ASPRV1: variants seen among roughly 807,000 people sequenced by gnomAD.
ASPRV1 encodes the protein retroviral-like aspartic protease 1.
Under a neutral mutation model 11.0 loss-of-function variants are expected in ASPRV1, and 7 were observed. The observed-to-expected ratio is 0.64, with a 90% CI of 0.36 to 1.20. ASPRV1 has a LOEUF of 1.20. ASPRV1 is among the 50% of genes most tolerant of loss of function. The pLI is 0.02. For synonymous variants in ASPRV1, 136 were observed against 138.4 expected (o/e 0.98, Z 0.12); for missense variants, 299 against 320.0 (o/e 0.93, Z 0.50).
At chr2:70,040,564 G>A in the ASPRV1 span, among the ~76,000 whole-genome samples, 4 of 152,176 alleles carry the variant, frequency 2.6e-5, no homozygotes, top group Admixed American at 2.0e-4. Flanking sequence ...GGCTGGGCAC[G>A]GTGGCTCACG....
chr2:70,047,759 G>A, the ASPRV1 span, among the ~76,000 whole-genome samples: 1 of 152,218 alleles, frequency 6.6e-6, no homozygotes, highest in Admixed American at 6.5e-5. Context: ...AGGAGTTTCT[G>A]ATTTACAGTA....
At chr2:69,977,527 G>A in the ASPRV1 span, among the ~76,000 whole-genome samples, 3 of 152,166 alleles carry the variant, frequency 2.0e-5, no homozygotes, top group African/African-American at 7.2e-5. Flanking sequence ...GTGACCTTGG[G>A]CGAGGTCCTC....
At chr2:70,066,410 TG>T in the ASPRV1 span, among the ~76,000 whole-genome samples, 2 of 151,664 alleles carry the variant, frequency 1.3e-5, no homozygotes, top group Admixed American at 1.3e-4. Context: ...AGCTAATTTT[TG>T]TATTTTTAGT....
the ASPRV1 span, among the ~76,000 whole-genome samples, chr2:69,986,994 G>T: frequency 6.6e-6 from 1 of 152,184 alleles, no homozygotes; most frequent in Non-Finnish European, 1.5e-5. Context: ...GAACTGTGGA[G>T]AAAGCCCTGC....
the ASPRV1 span, among the ~76,000 whole-genome samples, chr2:70,026,374 GAA>G: frequency 1.5e-5 from 2 of 130,226 alleles, no homozygotes. Context: ...AGAGCAATCA[GAA>G]AAAAAAAAAA....
At chr2:69,948,622 G>T in the ASPRV1 span, among the ~76,000 whole-genome samples, 1 of 152,154 alleles carries the variant, frequency 6.6e-6, no homozygotes, top group South Asian at 2.1e-4. Context: ...GCTGAATACC[G>T]CAGCTCGCCC....
the ASPRV1 span, among the ~76,000 whole-genome samples, chr2:69,952,462 G>T: frequency 1.3e-5 from 2 of 151,054 alleles, no homozygotes; most frequent in Non-Finnish European, 2.9e-5. Flanking sequence ...CTGTGATCGT[G>T]ACACTGCACT....
chr2:69,967,409 G>A, the ASPRV1 span, among the ~76,000 whole-genome samples: 7 of 152,204 alleles, frequency 4.6e-5, no homozygotes, highest in African/African-American at 1.7e-4. Flanking sequence ...GAAACATGCA[G>A]TAGCCCTGAA....
the ASPRV1 span, among the ~76,000 whole-genome samples, chr2:69,948,139 TGGGAG>T: frequency 6.6e-6 from 1 of 150,450 alleles, no homozygotes; most frequent in Non-Finnish European, 1.5e-5. Flanking sequence ...CCCAGCTACC[TGGGAG>T]GCTGAGGCAG....
the ASPRV1 span, among the ~76,000 whole-genome samples, chr2:70,021,479 C>T: frequency 0.15 from 23,220 of 151,578 alleles, 2,754 homozygotes; most frequent in East Asian, 0.3. Context: ...CTGCCACGCC[C>T]GGCTAATTTT....
chr2:69,956,161 C>T (rs930615609), downstream of ASPRV1, among the ~76,000 whole-genome samples: 1 of 152,122 alleles, frequency 6.6e-6, no homozygotes, highest in African/African-American at 2.4e-5. Flanking sequence ...AAATCTAAAA[C>T]AATTTGAGCA....
At chr2:69,961,915 G>A (rs953661610), upstream of ASPRV1, 3 of 460,448 alleles carry the variant, frequency 6.5e-6, no homozygotes, top group Non-Finnish European at 1.2e-5. Flanking sequence ...ATGACATTCA[G>A]GTATTTGTCA....
At chr2:70,023,641 T>C in the ASPRV1 span, among the ~76,000 whole-genome samples, 1 of 145,750 alleles carries the variant, frequency 6.9e-6, no homozygotes, top group Non-Finnish European at 1.5e-5. Flanking sequence ...AGCACTGTAC[T>C]CCAGCCTGGG....
the ASPRV1 span, among the ~76,000 whole-genome samples, chr2:70,018,345 C>A: frequency 6.6e-6 from 1 of 151,846 alleles, no homozygotes; most frequent in African/African-American, 2.4e-5. Flanking sequence ...AATGCTCATA[C>A]TACCCAAAAT....
At chr2:70,009,308 TG>T in the ASPRV1 span, among the ~76,000 whole-genome samples, 57 of 144,356 alleles carry the variant, frequency 3.9e-4, no homozygotes, top group African/African-American at 1.5e-3. Context: ...TATAATTTAT[TG>T]TCTTATTTAT....
chr2:70,016,549 A>G, the ASPRV1 span, among the ~76,000 whole-genome samples: 1 of 152,104 alleles, frequency 6.6e-6, no homozygotes, highest in Non-Finnish European at 1.5e-5. Context: ...ACCAAATTCA[A>G]CAACACATTA....
the ASPRV1 span, among the ~76,000 whole-genome samples, chr2:70,021,265 G>A: frequency 6.6e-6 from 1 of 151,694 alleles, no homozygotes; most frequent in Non-Finnish European, 1.5e-5. Flanking sequence ...AGTATTCCAT[G>A]GTGTGTACAT....
chr2:69,937,123 A>C, the ASPRV1 span: 1 of 1,387,564 alleles, frequency 7.2e-7, no homozygotes, highest in Non-Finnish European at 1.0e-6. Flanking sequence ...GTGGCACCGA[A>C]AGGCGTCTGA....
the ASPRV1 span, among the ~76,000 whole-genome samples, chr2:69,946,691 T>C: frequency 0.039 from 5,972 of 152,182 alleles, 394 homozygotes; most frequent in African/African-American, 0.14. Flanking sequence ...GGTGGGGAAG[T>C]GTTCAAATAT....
Sources: allele counts gnomAD v4.1 joint callset (sites outside exome capture counted in the v4.1 genomes callset), GRCh38; gene constraint gnomAD v4.1.1; transcripts MANE v1.5; gene names NCBI Gene and HGNC (gene_info 2026-07-23, HGNC 2026-07-21).